VWA7: variants seen among roughly 807,000 people sequenced by gnomAD.
VWA7 encodes the protein von Willebrand factor A domain-containing protein 7.
A neutral mutation model predicts 83.1 loss-of-function variants in VWA7; 66 were observed. That is an observed-to-expected ratio of 0.79 (90% confidence interval 0.65 to 0.98). The LOEUF is 0.98. Among genes scored for constraint, VWA7 ranks in the 50% least tolerant of loss-of-function variants. The probability of loss-of-function intolerance (pLI) is 0.00; values close to 1 mark genes in which losing one functional copy is unlikely to be tolerated. For missense variants in VWA7, 1,080 were observed against 1,160.2 expected (o/e 0.93, Z 1.00); for synonymous variants, 424 against 488.5 (o/e 0.87, Z 1.74).
chr6:31,769,678 G>A lies in VWA7; in HGVS notation c.1314C>T (p.Cys438=). 1 of 1,612,450 alleles carries A rather than the reference G, an allele frequency of 6.2e-7. No individual in the cohort carries two copies. The highest frequency in any genetic ancestry group is 8.5e-7 in the Non-Finnish European group (1 of 1,179,530). The change falls in exon 9 of 17, where the codon TGC becomes TGT. Residue 438 remains cysteine (C), a synonymous_variant. Coordinates refer to ENST00000375688, the MANE Select transcript of VWA7 (RefSeq NM_025258.3). This position sits in a 1 kb window ranked among gnomAD's most constrained non-coding sequence, Gnocchi z 4.5. ...GTCTCCCACTAGCTCTGCTCACCCG[G>A]CAGCGCCGCTCCTGAGTCAGGGATT... is the stretch of plus-strand genomic sequence containing the variant. ...QVESLTQERR[C]RVTFLVTEDT...
chr6:31,776,744 G>T lies in VWA7; in HGVS notation c.36C>A (p.Gly12=). The T allele has an allele frequency of 6.8e-7, 1 of 1,462,218 alleles. No individual in the cohort carries two copies. Among genetic ancestry groups the T allele is most frequent in the Non-Finnish European group, 9.1e-7 (1 of 1,101,082 alleles). 90.6% of individuals were successfully genotyped at this position (1,462,218 alleles called of 1,614,324 possible). The part of the protein sequence containing the change: ...LPTEVPQSHP[G]PSALLLLQLL... ...GCTGCAGCAGAAGCAACGCTGAGGGGCCCGGGTGGGATTGGGGGACCTCCG... is the reference window on the plus strand; with the variant it reads ...GCTGCAGCAGAAGCAACGCTGAGGGTCCCGGGTGGGATTGGGGGACCTCCG... Residue 12 remains glycine (G), a synonymous_variant, in exon 2 of 17, where the codon GGC becomes GGA. Coordinates refer to ENST00000375688, the MANE Select transcript of VWA7 (RefSeq NM_025258.3). The surrounding 1 kb of genome is among the most constrained non-coding windows in gnomAD (Gnocchi z 6.2).
At position 31,767,650 on chromosome 6, in the gene VWA7, G is replaced by T. The variant is rs1307433317; in HGVS notation, c.1608C>A (p.Ile536=). The T allele has an allele frequency of 3.1e-6, 5 of 1,613,284 alleles. No homozygotes were observed. Among genetic ancestry groups the T allele is most frequent in the Non-Finnish European group, 2.5e-6 (3 of 1,179,294 alleles). ...QKITVRIHGD[I]SSFWIKNPAG... is the part of the protein sequence containing the mutation. ...CAGGGTTCTTGATCCAGAAGCTGCTGATGTCTCCGTGGATCCGGACTGTGA... is the reference window on the plus strand; with the variant it reads ...CAGGGTTCTTGATCCAGAAGCTGCTTATGTCTCCGTGGATCCGGACTGTGA... Residue 536 remains isoleucine (I), a synonymous_variant, in exon 11 of 17, where the codon ATC becomes ATA. Transcript: ENST00000375688.
Position 31,766,804 on chromosome 6 carries a change from G to A in VWA7, c.1883-40C>T, listed in dbSNP as rs777628378. Reference sequence around the variant, plus strand: ...AGGAGGGGAGAACATTGTGAGATTCGGAGACACAGGGAGAAAAGAATTAAT... The same window carrying A: ...AGGAGGGGAGAACATTGTGAGATTCAGAGACACAGGGAGAAAAGAATTAAT... On this transcript the variant is annotated intron_variant, in intron 13 of 16. Transcript: ENST00000375688. This position sits in a 1 kb window ranked among gnomAD's most constrained non-coding sequence, Gnocchi z 4.9. 2.4e-5 allele frequency: 37 copies of A among 1,553,666 alleles called. No homozygotes were observed. Among genetic ancestry groups the A allele is most frequent in the South Asian group, 4.8e-5 (4 of 83,364 alleles).
chr6:31,767,013 ACT>A lies in VWA7; in HGVS notation c.1882+143_1882+144del, dbSNP rs374208845. ...TTTAGTGCACATTATGTAAATTATA[ACT>A]CAATATAAAAGTTATGCATATGCAC... is the stretch of plus-strand genomic sequence containing the variant. On this transcript the variant is annotated intron_variant, in intron 13 of 16. Transcript: ENST00000375688. 2.7e-3 allele frequency: 1,280 copies of A among 474,490 alleles called. 11 individuals are homozygous for A. The highest frequency in any genetic ancestry group is 0.019 in the African/African-American group (946 of 50,306). The allele number at this position is 474,490 out of a possible 1,614,324, so 29.4% of individuals were successfully genotyped here.
Position 31,766,245 on chromosome 6 carries a change from C to T in VWA7, c.2324G>A (p.Arg775Lys), listed in dbSNP as rs775383919. Residue 775 changes from arginine to lysine, a missense_variant and splice_region_variant, in exon 15 of 17, where the codon AGG (arginine) becomes AAG (lysine). Transcript: ENST00000375688. This position sits in a 1 kb window ranked among gnomAD's most constrained non-coding sequence, Gnocchi z 4.9. ...PSFSLTSNLSRAHLELNESAW... is the reference protein window; with the variant it reads ...PSFSLTSNLSKAHLELNESAW... The stretch of plus-strand genomic sequence containing the variant: ...GAGCTGGAGGGTTCATGAGCCTCAC[C>T]TGGAGAGGTTGGAGGTGAGGGAGAA... 2 of 1,612,056 alleles carry T rather than the reference C, an allele frequency of 1.2e-6. No individual in the cohort carries two copies. Among genetic ancestry groups the T allele is most frequent in the South Asian group, 2.2e-5 (2 of 90,950 alleles).
rs773263729 is a variant in VWA7, at chr6:31,769,968, G to T, written c.1200+33C>A. 1.2e-6 allele frequency: 2 copies of T among 1,601,496 alleles called. No homozygotes were observed. Among genetic ancestry groups the T allele is most frequent in the East Asian group, 2.2e-5 (1 of 44,808 alleles). ...GGATCTAGCTCCCCCTGGTGGTGGG[G>T]CCAGGAAACGGGGAAGAAGGGAGGG... On this transcript the variant is annotated intron_variant, in intron 8 of 16. Coordinates refer to ENST00000375688, the MANE Select transcript of VWA7 (RefSeq NM_025258.3). The surrounding 1 kb of genome is among the most constrained non-coding windows in gnomAD (Gnocchi z 4.5).
At position 31,776,557 on chromosome 6, in the gene VWA7, C is replaced by T; in HGVS notation, c.223G>A (p.Glu75Lys). ...CCTGGGATGCTCACCAGGAAGTCCT[C>T]AAGACGAAGAGGGGGGCGGCCTGGG... ...PPPGRPPLRL[E>K]DFLGRTLLAD... Residue 75 changes from glutamate to lysine, a missense_variant, in exon 2 of 17, where the codon GAG becomes AAG. Transcript: ENST00000375688. The surrounding 1 kb of genome is among the most constrained non-coding windows in gnomAD (Gnocchi z 6.2). The T allele has an allele frequency of 6.5e-7, 1 of 1,547,362 alleles. No individual in the cohort carries two copies. The highest frequency in any genetic ancestry group is 8.7e-7 in the Non-Finnish European group (1 of 1,145,476).
rs145338933 is a variant in VWA7 at position 31,768,977 on chromosome 6, C to G, written c.1503+41G>C. On this transcript the variant is annotated intron_variant, in intron 10 of 16. Coordinates refer to ENST00000375688, the MANE Select transcript of VWA7 (RefSeq NM_025258.3). ...TATAAGAAGAGAGGTGCAGCCTGACCACCCTTCAGTTCCTAAGTGAGGGCC... is the reference window on the plus strand; with the variant it reads ...TATAAGAAGAGAGGTGCAGCCTGACGACCCTTCAGTTCCTAAGTGAGGGCC... 1.9e-3 allele frequency: 2,931 copies of G among 1,566,572 alleles called. 7 individuals are homozygous for G. Among genetic ancestry groups the G allele is most frequent in the Middle Eastern group, 8.3e-3 (44 of 5,318 alleles).
Position 31,773,546 on chromosome 6 carries a change from T to A in VWA7, c.722-109A>T. 1 of 1,159,174 alleles carries A rather than the reference T, an allele frequency of 8.6e-7. No homozygotes were observed. Among genetic ancestry groups the A allele is most frequent in the Non-Finnish European group, 1.2e-6 (1 of 845,382 alleles). The allele number at this position is 1,159,174 out of a possible 1,614,324, so 71.8% of individuals were successfully genotyped here. The stretch of plus-strand genomic sequence containing the variant: ...GACCCTCTCACCCCTCAGCAAGGGT[T>A]CAGCAAGAAATGATGACGGGGTTGG... On this transcript the variant is annotated intron_variant, in intron 5 of 16. Coordinates refer to ENST00000375688, the MANE Select transcript of VWA7 (RefSeq NM_025258.3). The surrounding 1 kb of genome is among the most constrained non-coding windows in gnomAD (Gnocchi z 5.3).
chr6:31,770,165 C>T (rs772032637), intron 7 of VWA7, 52 bp from the exon 8 acceptor site: 10 of 1,496,558 alleles, frequency 6.7e-6, no homozygotes. Context: ...TCCCCTCATT[C>T]TTACCCAGAG....
intron 5 of VWA7, among the ~76,000 whole-genome samples, chr6:31,774,154 C>T (rs1434022576): frequency 1.6e-5 from 1 of 61,820 alleles, no homozygotes; most frequent in South Asian, 5.7e-4. Context: ...AACTCCATCT[C>T]AAAAAAAAAA....
At position 31,767,606 on chromosome 6, in the gene VWA7, C is replaced by T. The variant is rs1811742674; in HGVS notation, c.1636+16G>A. 6.2e-7 allele frequency: 1 copy of T among 1,606,212 alleles called. No individual in the cohort carries two copies. Among genetic ancestry groups the T allele is most frequent in the Non-Finnish European group, 8.5e-7 (1 of 1,173,304 alleles). ...TATTCCCCGGTCCCCTCTCTTCCCTCTACCTTCAGAGGTACCTGCAGGGTT... is the reference window on the plus strand; with the variant it reads ...TATTCCCCGGTCCCCTCTCTTCCCTTTACCTTCAGAGGTACCTGCAGGGTT... On this transcript the variant is annotated intron_variant, in intron 11 of 16. Coordinates refer to ENST00000375688, the MANE Select transcript of VWA7 (RefSeq NM_025258.3).
chr6:31,776,098 G>T lies in VWA7; in HGVS notation c.379C>A (p.His127Asn), dbSNP rs768518697. ...TGACCCAGTCGCTCAGCATCAAAGT[G>T]CAGGTCGGGGTCATTCCTGGAAGTT... ...LPTSRNDPDLHFDAERLGQGR... is the reference protein window; with the variant it reads ...LPTSRNDPDLNFDAERLGQGR... The change falls in exon 3 of 17, where the codon CAC (histidine) becomes AAC (asparagine). Residue 127 changes from histidine (H) to asparagine (N), a missense_variant. His to Asn is a moderately conservative substitution (Grantham distance 68). Transcript: ENST00000375688. This position sits in a 1 kb window ranked among gnomAD's most constrained non-coding sequence, Gnocchi z 6.2. 7.4e-6 allele frequency: 12 copies of T among 1,613,914 alleles called. No homozygotes were observed. The highest frequency in any genetic ancestry group is 1.1e-5 in the South Asian group (1 of 91,088).
chr6:31,771,603 G>C (rs1044489810), intron 7 of VWA7: 7 of 152,142 alleles, frequency 4.6e-5, no homozygotes, highest in African/African-American at 1.4e-4. Flanking sequence ...AATGGAAAAG[G>C]AATACAATGT....
chr6:31,768,564 C>T (rs916467846), intron 10 of VWA7, among the ~76,000 whole-genome samples: 3 of 152,124 alleles, frequency 2.0e-5, no homozygotes, highest in African/African-American at 4.8e-5. Context: ...GCAGGCCAGG[C>T]GTGGTGGCTC....
At chr6:31,767,293 T>G (rs375228584) in intron 12 of VWA7, 43 bp from the exon 13 acceptor site, 173 of 1,612,700 alleles carry the variant, frequency 1.1e-4, no homozygotes, top group Non-Finnish European at 1.4e-4. Context: ...CTGAAAGGAA[T>G]GTGACTGATC....
intron 10 of VWA7, 93 bp from the exon 11 acceptor site, chr6:31,767,847 A>AT: frequency 6.9e-7 from 1 of 1,458,048 alleles, no homozygotes; most frequent in African/African-American, 1.4e-5. Flanking sequence ...AAACCACGTC[A>AT]TTGGGCCGGG....
At position 31,776,697 on chromosome 6, in the gene VWA7, G is replaced by T; in HGVS notation, c.83C>A (p.Ala28Asp). 2.6e-6 allele frequency: 4 copies of T among 1,518,498 alleles called. No homozygotes were observed. 94.1% of individuals were successfully genotyped at this position (1,518,498 alleles called of 1,614,324 possible). The change falls in exon 2 of 17, where the codon GCC (alanine) becomes GAC (aspartate). Residue 28 changes from alanine to aspartate, a missense_variant. Coordinates refer to ENST00000375688, the MANE Select transcript of VWA7 (RefSeq NM_025258.3). The surrounding 1 kb of genome is among the most constrained non-coding windows in gnomAD (Gnocchi z 6.2). The stretch of plus-strand genomic sequence containing the variant: ...CAGGCTCCAGATGTTGGGGAAGAAG[G>T]CAGATGTGGGGGGCAGCAACAGCTG... ...LLQLLLPPTS[A>D]FFPNIWSLLA... is the part of the protein sequence containing the mutation.
Position 31,773,205 on chromosome 6 carries a change from T to TC in VWA7, c.917+36dup. ...GTTTCTCCCTTCCCGCAGGAGCGCC[T>TC]CCCCATGAAGGGGTCCATCCCCAGG... On this transcript the variant is annotated intron_variant, in intron 6 of 16. Coordinates refer to ENST00000375688, the MANE Select transcript of VWA7 (RefSeq NM_025258.3). The surrounding 1 kb of genome is among the most constrained non-coding windows in gnomAD (Gnocchi z 5.3). 6.3e-7 allele frequency: 1 copy of TC among 1,591,222 alleles called. No individual in the cohort carries two copies. Among genetic ancestry groups the TC allele is most frequent in the Non-Finnish European group, 8.6e-7 (1 of 1,169,450 alleles).
Sources: allele counts gnomAD v4.1 joint callset (sites outside exome capture counted in the v4.1 genomes callset), GRCh38; gene constraint gnomAD v4.1.1; non-coding constraint Gnocchi (gnomAD v3.1); transcripts MANE v1.5; gene names NCBI Gene and HGNC (gene_info 2026-07-23, HGNC 2026-07-21).